ERICH6B: variants seen among roughly 807,000 people sequenced by gnomAD.
The protein encoded by ERICH6B is glutamate rich 6B.
In ERICH6B, 69 loss-of-function variants were observed where a neutral mutation model predicts 80.0. The ratio of observed to expected loss-of-function variants is 0.86; its 90% CI spans 0.71 to 1.05. The LOEUF (loss-of-function observed/expected upper bound fraction) is 1.05. Among genes scored for constraint, ERICH6B ranks in the 50% least tolerant of loss-of-function variants. The pLI is 0.00. For synonymous variants in ERICH6B, 283 were observed against 291.9 expected (o/e 0.97, Z 0.31); for missense variants, 754 against 796.1 (o/e 0.95, Z 0.64).
intron 2 of ERICH6B, among the ~76,000 whole-genome samples, chr13:45,600,845 T>C (rs1949822989): frequency 6.6e-6 from 1 of 152,242 alleles, no homozygotes; most frequent in African/African-American, 2.4e-5. Flanking sequence ...TGATTTCTTT[T>C]CCTCTGGGTT....
intron 11 of ERICH6B, among the ~76,000 whole-genome samples, chr13:45,559,134 G>T (rs982082773): frequency 3.3e-5 from 5 of 152,132 alleles, no homozygotes; most frequent in African/African-American, 1.2e-4. Context: ...AAGCTAGGAG[G>T]ATTGTATATT....
At chr13:45,603,004 A>T (rs150224474) in intron 2 of ERICH6B, among the ~76,000 whole-genome samples, 119 of 152,352 alleles carry the variant, frequency 7.8e-4, no homozygotes, top group African/African-American at 2.8e-3. Context: ...GAATCAGGAA[A>T]GCTGGTGGTG....
chr13:45,557,671 C>T (rs1874497701), intron 11 of ERICH6B, among the ~76,000 whole-genome samples: 1 of 152,190 alleles, frequency 6.6e-6, no homozygotes, highest in Non-Finnish European at 1.5e-5. Flanking sequence ...ATCCCAGCAC[C>T]ATTTGTTGAA....
intron 10 of ERICH6B, among the ~76,000 whole-genome samples, chr13:45,562,563 G>C (rs1874731220): frequency 6.6e-6 from 1 of 152,170 alleles, no homozygotes; most frequent in Non-Finnish European, 1.5e-5. Flanking sequence ...ACATGCTCTT[G>C]GTGGGGGTGA....
chr13:45,549,958 C>A lies in ERICH6B; in HGVS notation c.1581G>T (p.Gly527=). The change falls in exon 13 of 15, where the codon GGG becomes GGT. Residue 527 remains glycine, a synonymous_variant. Transcript: ENST00000298738. ...AGTTGTTGATAAGGGCCCGGATCCT[C>A]CCTTCTAGACTGTCTTCCAGAATGA... The part of the protein sequence containing the change: ...TYIILEDSLE[G]RIRALINNSG... The A allele has an allele frequency of 6.4e-7, 1 of 1,551,724 alleles. No individual in the cohort carries two copies. Among genetic ancestry groups the A allele is most frequent in the Non-Finnish European group, 8.7e-7 (1 of 1,147,004 alleles).
At chr13:45,606,505 GTATATATATATATA>G (rs58856558) in intron 2 of ERICH6B, among the ~76,000 whole-genome samples, 18 of 28,686 alleles carry the variant, frequency 6.3e-4, no homozygotes, top group African/African-American at 2.4e-3. Flanking sequence ...AAGTGTATGT[GTATATATATATATA>G]TATATATATA....
At chr13:45,591,807 G>A (rs1009239293) in intron 3 of ERICH6B, among the ~76,000 whole-genome samples, 2 of 152,152 alleles carry the variant, frequency 1.3e-5, no homozygotes, top group Non-Finnish European at 2.9e-5. Flanking sequence ...AATCACTTAT[G>A]TGTGAATTAG....
intron 9 of ERICH6B, among the ~76,000 whole-genome samples, chr13:45,566,764 A>G (rs899493657): frequency 6.6e-6 from 1 of 152,212 alleles, no homozygotes; most frequent in African/African-American, 2.4e-5. Context: ...TGTGGATGGG[A>G]AATGTGGGGT....
chr13:45,606,384 T>C (rs1263807284), intron 2 of ERICH6B, among the ~76,000 whole-genome samples: 4 of 150,536 alleles, frequency 2.7e-5, no homozygotes, highest in African/African-American at 9.8e-5. Flanking sequence ...CCACTAACTG[T>C]GCTGAGATGC....
chr13:45,587,772 G>A (rs1470144532), intron 4 of ERICH6B, among the ~76,000 whole-genome samples: 3 of 152,194 alleles, frequency 2.0e-5, no homozygotes, highest in Middle Eastern at 3.2e-3. Context: ...GATCAAGAGG[G>A]ATGACCCTGA....
At chr13:45,615,591 AG>A (rs1949923407) in intron 1 of ERICH6B, 93 bp downstream of exon 1, 1 of 152,454 alleles carries the variant, frequency 6.6e-6, no homozygotes, top group Admixed American at 6.5e-5. Context: ...TCTCCCTCAG[AG>A]AAGGAGGGGG....
At chr13:45,588,774 T>A (rs899703968) in intron 4 of ERICH6B, among the ~76,000 whole-genome samples, 2 of 152,234 alleles carry the variant, frequency 1.3e-5, no homozygotes, top group African/African-American at 4.8e-5. Context: ...CTTCTGGGGT[T>A]CCTGCCAGGT....
chr13:45,577,608 C>T (rs1226609045), intron 7 of ERICH6B, among the ~76,000 whole-genome samples: 1 of 151,980 alleles, frequency 6.6e-6, no homozygotes, highest in Non-Finnish European at 1.5e-5. Context: ...TATCATTTTT[C>T]TTTTTTATTA....
chr13:45,544,165 C>G (rs1438418079), intron 14 of ERICH6B, among the ~76,000 whole-genome samples: 1 of 152,186 alleles, frequency 6.6e-6, no homozygotes, highest in African/African-American at 2.4e-5. Flanking sequence ...CTCCGTCTCC[C>G]TGGTTCAAAC....
chr13:45,610,037 C>T (rs967492769), intron 1 of ERICH6B, among the ~76,000 whole-genome samples: 2 of 152,138 alleles, frequency 1.3e-5, no homozygotes, highest in African/African-American at 4.8e-5. Context: ...CTTTGTAAAG[C>T]TAATGAGAGA....
intron 10 of ERICH6B, 195 bp downstream of exon 10, chr13:45,563,532 C>T: frequency 1.7e-6 from 1 of 604,724 alleles, no homozygotes; most frequent in Admixed American, 2.9e-5. Context: ...AAGAAAGAAA[C>T]TCACTGGGGC....
intron 2 of ERICH6B, among the ~76,000 whole-genome samples, chr13:45,606,505 GTA>G (rs58856558): frequency 6.3e-4 from 18 of 28,692 alleles, no homozygotes; most frequent in African/African-American, 2.8e-3. Context: ...AAGTGTATGT[GTA>G]TATATATATA....
intron 1 of ERICH6B, among the ~76,000 whole-genome samples, chr13:45,614,142 C>T (rs1949915040): frequency 6.6e-6 from 1 of 152,182 alleles, no homozygotes; most frequent in Non-Finnish European, 1.5e-5. Context: ...TCTGCAGGAT[C>T]CAGTACATAT....
At chr13:45,583,877 T>C (rs1875782385) in intron 5 of ERICH6B, among the ~76,000 whole-genome samples, 1 of 152,222 alleles carries the variant, frequency 6.6e-6, no homozygotes, top group African/African-American at 2.4e-5. Flanking sequence ...GTCTCAGGTA[T>C]GTCTTTATCA....
Sources: allele counts gnomAD v4.1 joint callset (sites outside exome capture counted in the v4.1 genomes callset), GRCh38; gene constraint gnomAD v4.1.1; transcripts MANE v1.5; gene names NCBI Gene and HGNC (gene_info 2026-07-23, HGNC 2026-07-21).